AK3: variants seen among roughly 807,000 people sequenced by gnomAD.
AK3 encodes adenylate kinase 3, also known as GTP:AMP phosphotransferase AK3, mitochondrial.
In AK3, 27 loss-of-function variants were observed where a neutral mutation model predicts 23.7. That is an observed-to-expected ratio of 1.14 (90% CI 0.84 to 1.57). The LOEUF is 1.57. Among genes scored for constraint, AK3 ranks in the 40% most tolerant of loss-of-function variants. The probability of loss-of-function intolerance (pLI) is 0.00; values close to 1 mark genes in which losing one functional copy is unlikely to be tolerated. For synonymous variants in AK3, 159 were observed against 116.0 expected (o/e 1.37, Z -2.38); for missense variants, 406 against 285.6 (o/e 1.42, Z -3.04).
chr9:4,741,378 C>T (rs1380029319), upstream of AK3: 9 of 310,928 alleles, frequency 2.9e-5, no homozygotes, highest in African/African-American at 6.6e-5. Flanking sequence ...TCTGCGCTCG[C>T]TCGGCCGCCC....
chr9:4,726,447 T>G (rs867295971), intron 1 of AK3, among the ~76,000 whole-genome samples: 16 of 152,214 alleles, frequency 1.1e-4, no homozygotes, highest in Admixed American at 9.2e-4. Flanking sequence ...AGTTGAATAA[T>G]GCTCACAGCA....
chr9:4,709,994 C>T lies in AK3; in HGVS notation c.*2982G>A, dbSNP rs759330861. 3 of 151,976 alleles carry T rather than the reference C, an allele frequency of 2.0e-5. No homozygotes were observed. The highest frequency in any genetic ancestry group is 4.4e-5 in the Non-Finnish European group (3 of 67,990). The allele number at this position is 151,976 out of a possible 1,614,324, so 9.4% of individuals were successfully genotyped here. On this transcript the variant is annotated 3_prime_UTR_variant, in exon 5 of 5. Coordinates refer to ENST00000381809, the MANE Select transcript of AK3 (RefSeq NM_016282.4). ...AGTTATGAGGATCCAAAATATCTTG[C>T]TAGAATGCCATTATATATAGCTGGG...
chr9:4,727,111 C>T lies in AK3; in HGVS notation c.152-4486G>A, dbSNP rs116535676. 1.7e-3 allele frequency among the ~76,000 whole-genome samples: 258 copies of T among 152,294 alleles called. 1 individual carries two copies. Among genetic ancestry groups the T allele is most frequent in the African/African-American group, 6.1e-3 (254 of 41,564 alleles). The stretch of plus-strand genomic sequence containing the variant: ...GTGCTGTCATCCAGGCTTTGTCATT[C>T]CATTTACAGAGCACAGGCAGGGTAG... On this transcript the variant is annotated intron_variant, in intron 1 of 4. Transcript: ENST00000381809.
intron 2 of AK3, 72 bp downstream of exon 2, chr9:4,722,434 C>G: frequency 1.2e-6 from 2 of 1,605,752 alleles, no homozygotes; most frequent in Non-Finnish European, 1.7e-6. Flanking sequence ...TGTCTGAAGC[C>G]CATGAAATGC....
At chr9:4,735,436 T>C (rs868108811) in intron 1 of AK3, among the ~76,000 whole-genome samples, 13 of 122,740 alleles carry the variant, frequency 1.1e-4, no homozygotes, top group Non-Finnish European at 2.0e-4. Flanking sequence ...AATATATATA[T>C]ACATATATAA....
chr9:4,728,854 T>C (rs112550097), intron 1 of AK3, among the ~76,000 whole-genome samples: 12,391 of 46,636 alleles, frequency 0.27, 797 homozygotes, highest in African/African-American at 0.31. Flanking sequence ...TATATATATA[T>C]ATATATATAT....
intron 1 of AK3, among the ~76,000 whole-genome samples, chr9:4,728,098 A>G (rs6476903): frequency 0.5 from 75,310 of 151,814 alleles, 20,058 homozygotes; most frequent in East Asian, 0.74. Context: ...ATATAATAAT[A>G]ATGAAAATAT....
In AK3 at chr9:4,713,503, C is replaced by T. The variant is rs868380701; in HGVS notation, c.564-407G>A. On this transcript the variant is annotated intron_variant, in intron 4 of 4. Coordinates refer to ENST00000381809, the MANE Select transcript of AK3 (RefSeq NM_016282.4). ...ACCAAGTTGGTAGTACATTTCCAAA[C>T]AGGACCTATAAGATACCAGAACACC... Among the ~76,000 whole-genome samples the T allele has an allele frequency of 4.4e-4, 67 of 152,240 alleles. 1 individual carries two copies. Among genetic ancestry groups the T allele is most frequent in the African/African-American group, 1.6e-3 (65 of 41,536 alleles).
chr9:4,730,194 T>A (rs1159481892), intron 1 of AK3, among the ~76,000 whole-genome samples: 3 of 152,176 alleles, frequency 2.0e-5, no homozygotes, highest in Non-Finnish European at 2.9e-5. Flanking sequence ...AAATGGGTAA[T>A]GACTGCTAAT....
Position 4,719,212 on chromosome 9 carries a change from G to C in AK3, c.367C>G (p.Gln123Glu). Residue 123 changes from glutamine (Q) to glutamate (E), a missense_variant, in exon 3 of 5, where the codon CAA (glutamine) becomes GAA (glutamate). Gln to Glu is a conservative substitution (Grantham distance 29, BLOSUM62 2). Transcript: ENST00000381809. ...NLNVPFEVIK[Q>E]RLTARWIHPA... ...TGAATCCAGCGAGCAGTAAGGCGTT[G>C]TTTAATGACCTCAAAGGGCACATTC... 4 of 1,611,922 alleles carry C rather than the reference G, an allele frequency of 2.5e-6. No individual in the cohort carries two copies. The highest frequency in any genetic ancestry group is 2.7e-5 in the African/African-American group (2 of 74,924).
Position 4,722,581 on chromosome 9 carries a change from T to A in AK3, c.196A>T (p.Ile66Phe). The A allele has an allele frequency of 6.2e-7, 1 of 1,614,198 alleles. No individual in the cohort carries two copies. The highest frequency in any genetic ancestry group is 8.5e-7 in the Non-Finnish European group (1 of 1,180,012). The stretch of plus-strand genomic sequence containing the variant: ...AGCCGAGTCATGACATCATCTGGGA[T>A]GAGTTTCCCTTGGTCAATGAAAGCC... The part of the protein sequence containing the change: ...AKAFIDQGKL[I>F]PDDVMTRLAL... The change falls in exon 2 of 5, where the codon ATC becomes TTC. Residue 66 changes from isoleucine (I) to phenylalanine (F), a missense_variant. Transcript: ENST00000381809.
chr9:4,735,323 AC>A (rs1842251589), intron 1 of AK3, among the ~76,000 whole-genome samples: 1 of 106,904 alleles, frequency 9.4e-6, no homozygotes, highest in Non-Finnish European at 1.8e-5. Context: ...ATATATATAT[AC>A]ATATATAAAT....
At chr9:4,718,992 T>G in intron 3 of AK3, 143 bp downstream of exon 3, 1 of 888,566 alleles carries the variant, frequency 1.1e-6, no homozygotes. Flanking sequence ...GTGGACTTGA[T>G]CAGTCAACTC....
chr9:4,716,843 A>T (rs1303375609), intron 4 of AK3, among the ~76,000 whole-genome samples: 1 of 152,168 alleles, frequency 6.6e-6, no homozygotes, highest in Non-Finnish European at 1.5e-5. Flanking sequence ...AGACAGGAGA[A>T]TTGCTTGAGC....
intron 2 of AK3, 106 bp downstream of exon 2, chr9:4,722,400 C>A: frequency 2.6e-6 from 4 of 1,531,498 alleles, no homozygotes; most frequent in South Asian, 1.3e-5. Context: ...GCACCCCTCT[C>A]CCCAAACCAC....
chr9:4,730,456 A>G (rs1842127331), intron 1 of AK3, among the ~76,000 whole-genome samples: 1 of 152,208 alleles, frequency 6.6e-6, no homozygotes, highest in African/African-American at 2.4e-5. Context: ...ATTATTAATG[A>G]TAATATAAAA....
At chr9:4,739,152 T>C (rs1009941492) in intron 1 of AK3, among the ~76,000 whole-genome samples, 23 of 152,070 alleles carry the variant, frequency 1.5e-4, no homozygotes, top group Non-Finnish European at 2.9e-4. Context: ...ACTACTTCAG[T>C]ATGTCGCATT....
At chr9:4,735,224 C>CAT (rs551638259) in intron 1 of AK3, among the ~76,000 whole-genome samples, 2 of 116,722 alleles carry the variant, frequency 1.7e-5, no homozygotes, top group East Asian at 4.5e-4. Flanking sequence ...GGTGAGACCC[C>CAT]ATATATATAT....
chr9:4,720,017 T>C (rs467215), intron 2 of AK3, among the ~76,000 whole-genome samples: 86,130 of 151,914 alleles, frequency 0.57, 24,800 homozygotes, highest in African/African-American at 0.65. Context: ...GAACCAAAAT[T>C]CTACACCAGT....
Sources: allele counts gnomAD v4.1 joint callset (sites outside exome capture counted in the v4.1 genomes callset), GRCh38; gene constraint gnomAD v4.1.1; transcripts MANE v1.5; gene names NCBI Gene and HGNC (gene_info 2026-07-23, HGNC 2026-07-21).